Variants in ATXN2 observed in about 807,000 individuals in gnomAD.
ATXN2 encodes the protein ataxin 2.
Under a neutral mutation model 138.6 loss-of-function variants are expected in ATXN2, and 37 were observed. The ratio of observed to expected loss-of-function variants is 0.27; its 90% CI spans 0.21 to 0.35. The LOEUF (loss-of-function observed/expected upper bound fraction) is 0.35. Among genes scored for constraint, ATXN2 ranks in the 10% least tolerant of loss-of-function variants. ATXN2 has a pLI of 1.00. For missense variants in ATXN2, 1,216 were observed against 1,480.3 expected (o/e 0.82, Z 2.93); for synonymous variants, 549 against 543.7 (o/e 1.01, Z -0.13).
chr12:111,551,059 G>A (rs1031908399), intron 5 of ATXN2, among the ~76,000 whole-genome samples: 34 of 152,300 alleles, frequency 2.2e-4, no homozygotes, highest in Admixed American at 5.2e-4. Flanking sequence ...AGCACTTTGG[G>A]AGGCCGAGGC....
chr12:111,522,333 G>A (rs544310366), intron 6 of ATXN2, among the ~76,000 whole-genome samples: 39 of 152,248 alleles, frequency 2.6e-4, no homozygotes, highest in South Asian at 4.2e-4. Flanking sequence ...AGTTCTGGCC[G>A]GGCACGGTGG....
chr12:111,459,587 A>G lies in ATXN2; in HGVS notation c.2897-2228T>C, dbSNP rs375260939. Among the ~76,000 whole-genome samples, 687 of 151,600 alleles carry G rather than the reference A, an allele frequency of 4.5e-3. 3 individuals are homozygous for G. The highest frequency in any genetic ancestry group is 0.015 in the African/African-American group (638 of 41,292). On this transcript the variant is annotated intron_variant, in intron 21 of 24. Transcript: ENST00000673436. ...TGCCGAGTAGCTGGAACTATAGGCAAGCATCACCATGCCTGGCTGATTTTT... is the reference window on the plus strand; with the variant it reads ...TGCCGAGTAGCTGGAACTATAGGCAGGCATCACCATGCCTGGCTGATTTTT...
In ATXN2 at chr12:111,453,642, G is replaced by C. The variant is rs1874845246; in HGVS notation, c.3439+35C>G. Reference sequence around the variant, plus strand: ...CACCTGTGCGAGCAGAATGCTTTGGGGTGCCCCGGCGGCCCCTGCACACAC... The same window carrying C: ...CACCTGTGCGAGCAGAATGCTTTGGCGTGCCCCGGCGGCCCCTGCACACAC... On this transcript the variant is annotated intron_variant, in intron 24 of 24. Transcript: ENST00000673436. The surrounding 1 kb of genome is among the most constrained non-coding windows in gnomAD (Gnocchi z 5.4). The C allele has an allele frequency of 6.6e-7, 1 of 1,509,832 alleles. No individual in the cohort carries two copies. The highest frequency in any genetic ancestry group is 8.9e-7 in the Non-Finnish European group (1 of 1,125,726). 93.5% of individuals were successfully genotyped at this position (1,509,832 alleles called of 1,614,324 possible).
chr12:111,518,748 T>G (rs1482877287), intron 8 of ATXN2, among the ~76,000 whole-genome samples: 1 of 152,210 alleles, frequency 6.6e-6, no homozygotes, highest in African/African-American at 2.4e-5. Context: ...ACTTTCTCAA[T>G]TTTATTTTCT....
intron 23 of ATXN2, chr12:111,454,118 G>C (rs1874883476): frequency 3.2e-6 from 1 of 312,468 alleles, no homozygotes; most frequent in Admixed American, 5.0e-5. Context: ...TGACATTTCT[G>C]ATCATTGTAT....
intron 5 of ATXN2, among the ~76,000 whole-genome samples, chr12:111,529,835 AC>A (rs1321354234): frequency 6.6e-6 from 1 of 152,240 alleles, no homozygotes; most frequent in East Asian, 1.9e-4. Context: ...GTAGTGTTAA[AC>A]ATTAGAAATA....
intron 10 of ATXN2, 133 bp from the exon 11 acceptor site, chr12:111,513,672 G>GAA (rs990372971): frequency 7.6e-4 from 354 of 467,744 alleles, no homozygotes; most frequent in South Asian, 1.3e-3. Flanking sequence ...GTTAAAAATA[G>GAA]AAAAAAAAAA....
intron 1 of ATXN2, chr12:111,581,325 G>A (rs1390969859): frequency 1.9e-6 from 1 of 531,100 alleles, no homozygotes; most frequent in African/African-American, 1.9e-5. Flanking sequence ...AAAGGGAGGG[G>A]CCCACTGAGA....
chr12:111,511,723 C>A (rs925431017), intron 11 of ATXN2: 2 of 152,170 alleles, frequency 1.3e-5, no homozygotes, highest in East Asian at 1.9e-4. Context: ...CTCAGCCTCC[C>A]CAAGTGCTGG....
chr12:111,583,226 C>T (rs947490226), intron 1 of ATXN2, among the ~76,000 whole-genome samples: 1 of 150,460 alleles, frequency 6.6e-6, no homozygotes, highest in African/African-American at 2.5e-5. Context: ...CTCCTGACCT[C>T]GTGATCCACC....
At chr12:111,581,508 C>A in intron 1 of ATXN2, 1 of 1,031,474 alleles carries the variant, frequency 9.7e-7, no homozygotes, top group Non-Finnish European at 1.5e-6. Flanking sequence ...CCAATGTCCA[C>A]CGTGATCCCC....
At chr12:111,573,870 C>CTT (rs778132052) in intron 1 of ATXN2, among the ~76,000 whole-genome samples, 1 of 136,552 alleles carries the variant, frequency 7.3e-6, no homozygotes, top group African/African-American at 2.6e-5. Flanking sequence ...TTTTTTCTTT[C>CTT]TTTTTTTTTT....
intron 14 of ATXN2, among the ~76,000 whole-genome samples, chr12:111,491,718 C>A (rs1349436109): frequency 6.6e-6 from 1 of 152,164 alleles, no homozygotes; most frequent in African/African-American, 2.4e-5. Context: ...GACTAAAGAG[C>A]CCTTGTGCCT....
At position 111,456,166 on chromosome 12, in the gene ATXN2, G is replaced by T; in HGVS notation, c.3133C>A (p.Pro1045Thr). 6.2e-7 allele frequency: 1 copy of T among 1,614,276 alleles called. No homozygotes were observed. Among genetic ancestry groups the T allele is most frequent in the East Asian group, 2.2e-5 (1 of 44,890 alleles). Reference protein sequence around the residue: ...IYHAGLAPTPPSMTPASNTQS... With the variant: ...IYHAGLAPTPTSMTPASNTQS... ...GTGTTGGAGGCAGGTGTCATGGAGG[G>T]TGGAGTTGGCGCAAGCCCCGCGTGG... The change falls in exon 23 of 25, where the codon CCC (proline) becomes ACC (threonine). Residue 1045 changes from proline (P) to threonine (T), a missense_variant. By Grantham distance (38) the Pro-to-Thr change is conservative. Transcript: ENST00000673436.
intron 3 of ATXN2, among the ~76,000 whole-genome samples, chr12:111,553,572 CAAAAAAAAAA>C (rs757837884): frequency 0.01 from 500 of 48,952 alleles, 4 homozygotes; most frequent in Non-Finnish European, 0.014. Flanking sequence ...TCTTTTTTCT[CAAAAAAAAAA>C]AAAAAAAAAA....
At chr12:111,554,314 A>T in intron 2 of ATXN2, 97 bp from the exon 3 acceptor site, 2 of 816,662 alleles carry the variant, frequency 2.4e-6, no homozygotes, top group East Asian at 6.5e-5. Flanking sequence ...TAGACTGCGG[A>T]TTTTTTTCGG....
Position 111,488,482 on chromosome 12 carries a change from G to A in ATXN2, c.2234C>T (p.Ala745Val), listed in dbSNP as rs1231611283. Residue 745 changes from alanine to valine, a missense_variant, in exon 15 of 25, where the codon GCA becomes GTA. Ala to Val is a moderately conservative substitution (Grantham distance 64). Around this residue, in one of 4 missense-constraint regions of ATXN2, gnomAD observed 490 missense variants for 653.5 expected, o/e 0.75. Transcript: ENST00000673436. ...AAGTTCCAGGTTTACTCACTCAGCT[G>A]CGTCTTTCTTCTCTTCCTTATCGTC... is the stretch of plus-strand genomic sequence containing the variant. Reference protein sequence around the residue: ...EKDDKEEKKDAAEQVRKSTLN... With the variant: ...EKDDKEEKKDVAEQVRKSTLN... 1 of 1,607,146 alleles carries A rather than the reference G, an allele frequency of 6.2e-7. No homozygotes were observed. The highest frequency in any genetic ancestry group is 8.5e-7 in the Non-Finnish European group (1 of 1,176,066).
rs193034415 is a variant in ATXN2, at chr12:111,572,231, T to A, written c.252-16312A>T. On this transcript the variant is annotated intron_variant, in intron 1 of 24. Coordinates refer to ENST00000673436, the MANE Select transcript of ATXN2 (RefSeq NM_001372574.1). ...CCTGACCAAAATGGTGAAACCCCCA[T>A]CTCTACTAAATACAAAGAAATTAGC... Among the ~76,000 whole-genome samples, 16 of 152,040 alleles carry A rather than the reference T, an allele frequency of 1.1e-4. No homozygotes were observed. In the East Asian group the frequency reaches 3.1e-3, roughly 29 times the overall value.
chr12:111,482,721 A>ATT (rs1215762229), intron 18 of ATXN2: 4 of 152,170 alleles, frequency 2.6e-5, no homozygotes, highest in African/African-American at 7.2e-5. Context: ...TAAAAAAAAA[A>ATT]ACCCACTTTC....
Sources: gnomAD v4.1 joint callset for allele counts (sites outside exome capture counted in the v4.1 genomes callset) on GRCh38, gnomAD v4.1.1 for gene constraint, gnomAD v4.1.1 regional missense constraint, Gnocchi (gnomAD v3.1) non-coding constraint, MANE v1.5 for transcripts, NCBI Gene and HGNC (gene_info 2026-07-23, HGNC 2026-07-21) for gene names.